Variants in OPCML observed in about 807,000 individuals in gnomAD.
The protein encoded by OPCML is opioid binding protein/cell adhesion molecule like, also known as opioid-binding protein/cell adhesion molecule.
Under a neutral mutation model 37.8 loss-of-function variants are expected in OPCML, and 13 were observed. That is an observed-to-expected ratio of 0.34 (90% CI 0.22 to 0.55). OPCML has a LOEUF of 0.55. Ranked by LOEUF, OPCML falls within the 20% of genes least tolerant of loss-of-function variation. The probability of loss-of-function intolerance (pLI) is 0.91; values close to 1 mark genes in which losing one functional copy is unlikely to be tolerated. For synonymous variants in OPCML, 176 were observed against 168.8 expected (o/e 1.04, Z -0.33); for missense variants, 341 against 435.6 (o/e 0.78, Z 1.93).
chr11:132,641,623 A>G (rs1340767696), intron 3 of OPCML, among the ~76,000 whole-genome samples: 1 of 152,030 alleles, frequency 6.6e-6, no homozygotes, highest in Non-Finnish European at 1.5e-5. Flanking sequence ...TTCCCTTCCC[A>G]CCTACATCTT....
rs371851520 is a variant in OPCML, at chr11:133,117,106, TA to T, written c.62-174097del. ...TTGTTACAGTCTGTTAAAAACCATT[TA>T]AAAAAATTTTTAATACTCAAATTAT... On this transcript the variant is annotated intron_variant, in intron 1 of 7. Transcript: ENST00000524381. 2.0e-4 allele frequency among the ~76,000 whole-genome samples: 31 copies of T among 152,304 alleles called. No individual in the cohort carries two copies. In the East Asian group the frequency reaches 5.6e-3, roughly 28 times the overall value.
chr11:132,981,208 A>G (rs953077152), intron 1 of OPCML, among the ~76,000 whole-genome samples: 1 of 152,234 alleles, frequency 6.6e-6, no homozygotes, highest in Admixed American at 6.5e-5. Flanking sequence ...CAGGATACAG[A>G]AGAAATGGAA....
At chr11:133,296,417 G>A (rs1942631910) in intron 1 of OPCML, among the ~76,000 whole-genome samples, 1 of 152,148 alleles carries the variant, frequency 6.6e-6, no homozygotes, top group Admixed American at 6.5e-5. Flanking sequence ...GTGGAGTGAG[G>A]TTCATGATTC....
intron 1 of OPCML, among the ~76,000 whole-genome samples, chr11:133,457,359 C>A (rs1473929578): frequency 6.6e-6 from 1 of 152,002 alleles, no homozygotes; most frequent in African/African-American, 2.4e-5. Context: ...TAGTGAGACT[C>A]CATCTCTGCA....
chr11:133,215,516 G>A (rs1490017763), intron 1 of OPCML, among the ~76,000 whole-genome samples: 1 of 152,092 alleles, frequency 6.6e-6, no homozygotes, highest in Non-Finnish European at 1.5e-5. Context: ...TGTATTCCAC[G>A]TCCTATTCCC....
rs190979402 is a variant in OPCML, at chr11:133,091,349, T to C, written c.62-148339A>G. 3.3e-5 allele frequency among the ~76,000 whole-genome samples: 5 copies of C among 152,306 alleles called. No individual in the cohort carries two copies. In the East Asian group the frequency reaches 9.7e-4, roughly 29 times the overall value. ...ACAGAGCATCCTCACTAGAGCCACG[T>C]GTAGTGGAGCTGTGGGAATGAGTCT... On this transcript the variant is annotated intron_variant, in intron 1 of 7. Coordinates refer to ENST00000524381, the MANE Select transcript of OPCML (RefSeq NM_001012393.5).
chr11:133,300,598 G>A (rs747384714), intron 1 of OPCML: 6 of 152,278 alleles, frequency 3.9e-5, no homozygotes, highest in South Asian at 4.1e-4. Context: ...GATGGGAATC[G>A]TGTGGTGAGC....
intron 1 of OPCML, chr11:133,008,035 CATT>C (rs1411189217): frequency 8.1e-6 from 8 of 985,440 alleles, no homozygotes; most frequent in Non-Finnish European, 9.6e-6. Context: ...AGAGCTGTCT[CATT>C]GTTGAGATCT....
chr11:133,399,399 G>A (rs540697332), intron 1 of OPCML, among the ~76,000 whole-genome samples: 2 of 152,114 alleles, frequency 1.3e-5, no homozygotes, highest in Non-Finnish European at 2.9e-5. Context: ...TCACTGGATG[G>A]CAAAAAAACA....
intron 3 of OPCML, among the ~76,000 whole-genome samples, chr11:132,549,425 TCAGTCAAACATCC>T (rs2096376422): frequency 6.6e-6 from 1 of 152,198 alleles, no homozygotes; most frequent in Admixed American, 6.5e-5. Flanking sequence ...ATAAGTATAT[TCAGTCAAACATCC>T]CATGCTGCTG....
chr11:132,716,390 TTATCTATCTATCTATCTGTCTGTC>T (rs1477078916), intron 2 of OPCML, among the ~76,000 whole-genome samples: 5,584 of 149,612 alleles, frequency 0.037, 238 homozygotes, highest in African/African-American at 0.1. Flanking sequence ...ATCTGTCTAT[TTATCTATCTATCTATCTGTCTGTC>T]TATCTATCTA....
intron 3 of OPCML, among the ~76,000 whole-genome samples, chr11:132,590,008 C>G (rs1303592421): frequency 6.6e-6 from 1 of 152,038 alleles, no homozygotes; most frequent in Admixed American, 6.6e-5. Context: ...GTTTGCTGAC[C>G]CCTGACCTAA....
In OPCML at chr11:132,937,595, GGTGTGTGTGTGTGT is replaced by G. The variant is rs58674976; in HGVS notation, c.146+5317_146+5330del. Among the ~76,000 whole-genome samples, 10 of 88,732 alleles carry G rather than the reference GGTGTGTGTGTGTGT, an allele frequency of 1.1e-4. 1 individual carries two copies. Among genetic ancestry groups the G allele is most frequent in the African/African-American group, 1.8e-4 (5 of 27,072 alleles). 58.2% of individuals were successfully genotyped at this position (88,732 alleles called of 152,430 possible). On this transcript the variant is annotated intron_variant, in intron 2 of 7. Transcript: ENST00000524381. ...TGTGTGGTGTGTGTGGCGTGTGTGG[GGTGTGTGTGTGTGT>G]GTGTGTGTGTGTGTGTGTGTGTGTG...
At chr11:133,395,446 G>T (rs1486052065) in intron 1 of OPCML, among the ~76,000 whole-genome samples, 2 of 152,082 alleles carry the variant, frequency 1.3e-5, no homozygotes, top group African/African-American at 4.8e-5. Flanking sequence ...TGTACTTGTG[G>T]GGTATTACTG....
At chr11:132,665,730 C>A (rs1398525653) in intron 2 of OPCML, among the ~76,000 whole-genome samples, 1 of 152,128 alleles carries the variant, frequency 6.6e-6, no homozygotes, top group Non-Finnish European at 1.5e-5. Context: ...CCAAGTCACT[C>A]TATAAATCCA....
At chr11:133,171,591 C>T (rs1010722714) in intron 1 of OPCML, among the ~76,000 whole-genome samples, 3 of 152,222 alleles carry the variant, frequency 2.0e-5, no homozygotes, top group African/African-American at 4.8e-5. Flanking sequence ...GAAGCCAGCG[C>T]TCGAACTGTT....
intron 1 of OPCML, among the ~76,000 whole-genome samples, chr11:133,185,525 G>A (rs193278329): frequency 1.1e-3 from 174 of 152,306 alleles, no homozygotes; most frequent in African/African-American, 4.1e-3. Flanking sequence ...GATGGGGTTC[G>A]GAGGGTGAAG....
chr11:133,168,165 T>A (rs1396139105), intron 1 of OPCML, among the ~76,000 whole-genome samples: 1 of 152,196 alleles, frequency 6.6e-6, no homozygotes, highest in African/African-American at 2.4e-5. Flanking sequence ...TGCTAGGTCA[T>A]GTTTAGCATC....
chr11:133,196,815 A>C (rs1363102274), intron 1 of OPCML, among the ~76,000 whole-genome samples: 1 of 152,162 alleles, frequency 6.6e-6, no homozygotes, highest in Admixed American at 6.5e-5. Context: ...AAGCCTCTGA[A>C]ATACTAAAGA....
Sources: allele counts gnomAD v4.1 joint callset (sites outside exome capture counted in the v4.1 genomes callset), GRCh38; gene constraint gnomAD v4.1.1; transcripts MANE v1.5; gene names NCBI Gene and HGNC (gene_info 2026-07-23, HGNC 2026-07-21).